Variants in ZNF420 observed in about 807,000 individuals in gnomAD.
The protein encoded by ZNF420 is zinc finger protein 420, also known as ATM and p53-associated KZNF protein.
ZNF420 carries 31 observed loss-of-function variants against 44.7 expected under a neutral mutation model. The ratio of observed to expected loss-of-function variants is 0.69; its 90% CI spans 0.52 to 0.94. The LOEUF is 0.94. Ranked by LOEUF, ZNF420 falls within the 40% of genes least tolerant of loss-of-function variation. ZNF420 has a pLI of 0.00. For missense variants in ZNF420, 681 were observed against 827.9 expected, an observed-to-expected ratio of 0.82 and a Z score of 2.18; for synonymous variants, 245 against 267.4, an observed-to-expected ratio of 0.92 and a Z score of 0.82.
chr19:37,102,188 C>G (rs1969819294), intron 4 of ZNF420, among the ~76,000 whole-genome samples: 2 of 152,042 alleles, frequency 1.3e-5, no homozygotes, highest in Non-Finnish European at 2.9e-5. Context: ...CCCACCGTGT[C>G]TACACGGAGG....
At chr19:37,049,798 T>C (rs1967606663) in intron 1 of ZNF420, among the ~76,000 whole-genome samples, 1 of 152,236 alleles carries the variant, frequency 6.6e-6, no homozygotes, top group African/African-American at 2.4e-5. Context: ...CCCATGCCTA[T>C]GTCCTGAATG....
chr19:37,100,934 C>T (rs1278557572), intron 4 of ZNF420, among the ~76,000 whole-genome samples: 2 of 149,282 alleles, frequency 1.3e-5, no homozygotes, highest in Admixed American at 6.7e-5. Context: ...TCTTTAATTT[C>T]TTTTGTCAAT....
At chr19:37,063,475 A>G (rs1218475039) in intron 1 of ZNF420, among the ~76,000 whole-genome samples, 2 of 152,122 alleles carry the variant, frequency 1.3e-5, no homozygotes, top group Non-Finnish European at 2.9e-5. Flanking sequence ...AAATGATGTA[A>G]TGCATGTCTC....
At position 37,102,737 on chromosome 19, in the gene ZNF420, G is replaced by A. The variant is rs141220097; in HGVS notation, c.136+11616G>A. Among the ~76,000 whole-genome samples the A allele has an allele frequency of 6.2e-3, 942 of 152,268 alleles. 28 individuals are homozygous for A. The highest frequency in any genetic ancestry group is 0.05 in the East Asian group (258 of 5,184). On this transcript the variant is annotated intron_variant, in intron 4 of 4. Transcript: ENST00000337995. The stretch of plus-strand genomic sequence containing the variant: ...ATCTGTGGATGGGTGCAGAATTCTC[G>A]TGAGGGGATATGAGTGGGTTACCTC...
intron 1 of ZNF420, among the ~76,000 whole-genome samples, chr19:37,040,898 C>A (rs1336544840): frequency 2.0e-5 from 3 of 151,826 alleles, no homozygotes; most frequent in Non-Finnish European, 4.4e-5. Context: ...TCCCCCAAAT[C>A]TTCACAGCCC....
chr19:37,041,885 A>G (rs1362683550), intron 1 of ZNF420, among the ~76,000 whole-genome samples: 1 of 152,138 alleles, frequency 6.6e-6, no homozygotes, highest in Non-Finnish European at 1.5e-5. Flanking sequence ...GATTATCTCT[A>G]TTTCTTTGCT....
At chr19:37,023,009 A>G (rs1428811139) in intron 1 of ZNF420, among the ~76,000 whole-genome samples, 1 of 152,120 alleles carries the variant, frequency 6.6e-6, no homozygotes, top group Non-Finnish European at 1.5e-5. Context: ...ATGGTGGTGC[A>G]CACCTGTAAT....
intron 1 of ZNF420, among the ~76,000 whole-genome samples, chr19:37,035,496 G>A (rs975387088): frequency 1.3e-5 from 2 of 152,104 alleles, no homozygotes; most frequent in African/African-American, 2.4e-5. Context: ...ACCACGCCTG[G>A]CCACAAAAAG....
intron 2 of ZNF420, among the ~76,000 whole-genome samples, chr19:37,081,676 C>T (rs1196879353): frequency 1.3e-5 from 2 of 149,110 alleles, no homozygotes; most frequent in African/African-American, 4.9e-5. Context: ...CAGGCGGGCA[C>T]GACCATGCCC....
At chr19:37,070,902 A>G (rs1266615070) in intron 1 of ZNF420, among the ~76,000 whole-genome samples, 1 of 152,228 alleles carries the variant, frequency 6.6e-6, no homozygotes, top group African/African-American at 2.4e-5. Context: ...TTAGCAAACT[A>G]TGGCCCACAG....
chr19:37,076,829 A>C (rs1968169325), upstream of ZNF420, among the ~76,000 whole-genome samples: 1 of 152,148 alleles, frequency 6.6e-6, no homozygotes, highest in Non-Finnish European at 1.5e-5. Context: ...TGCCGCAATA[A>C]ACATACGTGT....
At chr19:37,046,186 G>T (rs1967539433) in intron 1 of ZNF420, among the ~76,000 whole-genome samples, 1 of 152,190 alleles carries the variant, frequency 6.6e-6, no homozygotes, top group East Asian at 1.9e-4. Flanking sequence ...AATATGGAGA[G>T]ACTGGATCAA....
exon 1 of ZNF420, chr19:37,008,067 C>G: frequency 3.8e-6 from 1 of 263,920 alleles, no homozygotes; most frequent in Non-Finnish European, 7.3e-6. Flanking sequence ...CTCAGGCCTG[C>G]CCGGACGGTG....
chr19:37,094,360 C>G (rs954684128), intron 4 of ZNF420, among the ~76,000 whole-genome samples: 10 of 151,920 alleles, frequency 6.6e-5, no homozygotes, highest in African/African-American at 2.4e-4. Flanking sequence ...CCATTTTCCC[C>G]CTTGTTTTGT....
At position 37,128,759 on chromosome 19, in the gene ZNF420, A is replaced by C; in HGVS notation, c.1768A>C (p.Lys590Gln). The C allele has an allele frequency of 6.2e-7, 1 of 1,613,936 alleles. No individual in the cohort carries two copies. The change falls in exon 5 of 5, where the codon AAG (lysine) becomes CAG (glutamine). Residue 590 changes from lysine to glutamine, a missense_variant. Transcript: ENST00000337995. ...IHTGEKPYEC[K>Q]ECGKAFSHGS... ...CACTGGAGAAAAACCCTATGAATGC[A>C]AGGAGTGTGGCAAGGCCTTTAGTCA...
chr19:37,026,742 G>C (rs952815928), intron 1 of ZNF420, among the ~76,000 whole-genome samples: 1 of 152,172 alleles, frequency 6.6e-6, no homozygotes, highest in Non-Finnish European at 1.5e-5. Flanking sequence ...GATTACAGGC[G>C]TGAGCCACCA....
intron 4 of ZNF420, among the ~76,000 whole-genome samples, chr19:37,095,154 T>C (rs988967661): frequency 6.6e-6 from 1 of 150,556 alleles, no homozygotes; most frequent in Admixed American, 6.6e-5. Context: ...AAAAGAAATA[T>C]CTTTGTTGAT....
chr19:37,062,310 C>T (rs1967892103), intron 1 of ZNF420, among the ~76,000 whole-genome samples: 1 of 152,198 alleles, frequency 6.6e-6, no homozygotes, highest in Non-Finnish European at 1.5e-5. Flanking sequence ...ACAGAAAAGA[C>T]ATTATATTTA....
chr19:37,059,670 G>A (rs923517357), intron 1 of ZNF420, among the ~76,000 whole-genome samples: 4 of 152,180 alleles, frequency 2.6e-5, no homozygotes, highest in African/African-American at 9.6e-5. Flanking sequence ...TCGAGGACAG[G>A]TCTGCCTGTG....
Sources: allele counts gnomAD v4.1 joint callset (sites outside exome capture counted in the v4.1 genomes callset), GRCh38; gene constraint gnomAD v4.1.1; transcripts MANE v1.5; gene names NCBI Gene and HGNC (gene_info 2026-07-23, HGNC 2026-07-21).